Variants in PRKG1 observed in about 807,000 individuals in gnomAD.
PRKG1 encodes the protein cGMP-dependent protein kinase 1.
Under a neutral mutation model 88.1 loss-of-function variants are expected in PRKG1, and 35 were observed. The observed-to-expected ratio is 0.40, with a 90% CI of 0.30 to 0.53. The LOEUF is 0.53. Ranked by LOEUF, PRKG1 falls within the 20% of genes least tolerant of loss-of-function variation. The pLI is 0.59. For missense variants in PRKG1, 540 were observed against 839.8 expected, an observed-to-expected ratio of 0.64 and a Z score of 4.41; for synonymous variants, 303 against 292.5, an observed-to-expected ratio of 1.04 and a Z score of -0.37.
At chr10:51,027,721 T>C (rs769163908) in intron 1 of PRKG1, among the ~76,000 whole-genome samples, 1 of 152,188 alleles carries the variant, frequency 6.6e-6, no homozygotes, top group Non-Finnish European at 1.5e-5. Flanking sequence ...GGGAAAATAG[T>C]ACTGCAACTT....
chr10:51,154,467 G>A (rs1035638504), intron 2 of PRKG1, among the ~76,000 whole-genome samples: 2 of 151,850 alleles, frequency 1.3e-5, no homozygotes, highest in Non-Finnish European at 2.9e-5. Context: ...CCTGCATTCT[G>A]CCTTCTTTAC....
At chr10:51,780,078 T>G (rs974920843) in intron 3 of PRKG1, among the ~76,000 whole-genome samples, 1 of 152,138 alleles carries the variant, frequency 6.6e-6, no homozygotes, top group Non-Finnish European at 1.5e-5. Flanking sequence ...AATCTGTTCT[T>G]TTAGTTACAA....
At chr10:52,036,634 A>T (rs1158178036) in intron 5 of PRKG1, among the ~76,000 whole-genome samples, 2 of 151,934 alleles carry the variant, frequency 1.3e-5, no homozygotes, top group African/African-American at 2.4e-5. Flanking sequence ...ATACAAGAGG[A>T]GGACGCAAAG....
At chr10:51,989,704 A>C (rs918007997) in intron 5 of PRKG1, among the ~76,000 whole-genome samples, 1 of 152,148 alleles carries the variant, frequency 6.6e-6, no homozygotes, top group African/African-American at 2.4e-5. Flanking sequence ...TGAACATAGG[A>C]ACAATTTAGA....
At chr10:52,050,083 G>T (rs117468611) in intron 5 of PRKG1, among the ~76,000 whole-genome samples, 2 of 152,142 alleles carry the variant, frequency 1.3e-5, no homozygotes, top group African/African-American at 4.8e-5. Flanking sequence ...GTGGTGGTAA[G>T]GGTGGGTATG....
chr10:52,240,618 A>G (rs952505075), intron 9 of PRKG1, among the ~76,000 whole-genome samples: 3 of 152,204 alleles, frequency 2.0e-5, no homozygotes, highest in African/African-American at 7.2e-5. Flanking sequence ...AATGGCAGTG[A>G]CTTGATAACA....
chr10:51,354,922 AGGACCCTCCCTCTG>A (rs1454175109), intron 2 of PRKG1, among the ~76,000 whole-genome samples: 1 of 152,060 alleles, frequency 6.6e-6, no homozygotes, highest in East Asian at 1.9e-4. Flanking sequence ...AGTTATAGGG[AGGACCCTCCCTCTG>A]AGCATGGTAG....
At chr10:51,102,126 G>A (rs1397751771) in intron 1 of PRKG1, among the ~76,000 whole-genome samples, 1 of 152,170 alleles carries the variant, frequency 6.6e-6, no homozygotes. Flanking sequence ...CACACCTCGT[G>A]TAGTAGAAAT....
chr10:51,206,493 A>G (rs1242728420), intron 2 of PRKG1, among the ~76,000 whole-genome samples: 5 of 149,780 alleles, frequency 3.3e-5, no homozygotes, highest in African/African-American at 1.2e-4. Context: ...CTCCATCTAA[A>G]AAAAAAAAAA....
At chr10:51,663,721 A>C (rs1375532298) in intron 3 of PRKG1, among the ~76,000 whole-genome samples, 3 of 151,264 alleles carry the variant, frequency 2.0e-5, no homozygotes, top group Non-Finnish European at 3.0e-5. Context: ...AAAAAAAAAA[A>C]AAACACACCT....
chr10:51,533,617 T>TAA lies in PRKG1; in HGVS notation c.592+65796_592+65797dup, dbSNP rs34738901. ...CAGCGAACAATTCAACTAAAAGCTT[T>TAA]AAAAAAAAAAAAAAAAGCCAGTTTT... On this transcript the variant is annotated intron_variant, in intron 3 of 17. Transcript: ENST00000373980. Among the ~76,000 whole-genome samples the TAA allele has an allele frequency of 4.5e-3, 636 of 142,880 alleles. 2 individuals are homozygous for TAA. Among genetic ancestry groups the TAA allele is most frequent in the East Asian group, 0.015 (73 of 4,858 alleles). 93.7% of individuals were successfully genotyped at this position (142,880 alleles called of 152,430 possible).
At chr10:51,514,173 C>A (rs1009039182) in intron 3 of PRKG1, among the ~76,000 whole-genome samples, 1 of 149,504 alleles carries the variant, frequency 6.7e-6, no homozygotes, top group African/African-American at 2.5e-5. Flanking sequence ...ATATCACCAC[C>A]GATCCCACAG....
At chr10:51,642,912 G>C (rs1839834427) in intron 3 of PRKG1, among the ~76,000 whole-genome samples, 1 of 152,082 alleles carries the variant, frequency 6.6e-6, no homozygotes, top group South Asian at 2.1e-4. Context: ...TGAGCTCTCT[G>C]AAATCACAAG....
intron 4 of PRKG1, among the ~76,000 whole-genome samples, chr10:51,882,020 G>A (rs1202482458): frequency 6.6e-6 from 1 of 152,114 alleles, no homozygotes; most frequent in Non-Finnish European, 1.5e-5. Context: ...TGAAATCCAT[G>A]AGGATGACTA....
At chr10:51,533,044 A>G (rs1842056350) in intron 3 of PRKG1, among the ~76,000 whole-genome samples, 1 of 152,194 alleles carries the variant, frequency 6.6e-6, no homozygotes, top group South Asian at 2.1e-4. Context: ...CCGAGAAAAT[A>G]TGACTGACCT....
At chr10:51,732,990 G>A (rs1017802351) in intron 3 of PRKG1, among the ~76,000 whole-genome samples, 1 of 152,022 alleles carries the variant, frequency 6.6e-6, no homozygotes, top group Admixed American at 6.6e-5. Context: ...TTTGCAGACA[G>A]CCACCCTTTG....
chr10:51,932,282 C>G (rs576189035), intron 5 of PRKG1, among the ~76,000 whole-genome samples: 42 of 151,484 alleles, frequency 2.8e-4, no homozygotes, highest in Admixed American at 2.6e-4. Context: ...CCAGAAAATA[C>G]CATACAGTCT....
chr10:51,688,155 A>G (rs1482059547), intron 3 of PRKG1, among the ~76,000 whole-genome samples: 1 of 152,114 alleles, frequency 6.6e-6, no homozygotes, highest in Non-Finnish European at 1.5e-5. Context: ...TTGTAGGATT[A>G]AAGCAGTGCT....
chr10:51,510,045 G>A lies in PRKG1; in HGVS notation c.592+42209G>A, dbSNP rs957418631. Among the ~76,000 whole-genome samples, 6 of 152,208 alleles carry A rather than the reference G, an allele frequency of 3.9e-5. No individual in the cohort carries two copies. In the South Asian group the frequency reaches 1.2e-3, roughly 31 times the overall value. On this transcript the variant is annotated intron_variant, in intron 3 of 17. Transcript: ENST00000373980. ...GTCCATAGATCAATTGACAGCAACA[G>A]CATAATAAGAGCATTTATTCTTTGT...
Sources: gnomAD v4.1 joint callset for allele counts (sites outside exome capture counted in the v4.1 genomes callset) on GRCh38, gnomAD v4.1.1 for gene constraint, MANE v1.5 for transcripts, NCBI Gene and HGNC (gene_info 2026-07-23, HGNC 2026-07-21) for gene names.